Variants in TMEFF2 observed in about 807,000 individuals in gnomAD.
TMEFF2 encodes the protein tomoregulin-2.
TMEFF2 carries 28 observed loss-of-function variants against 53.8 expected under a neutral mutation model. That is an observed-to-expected ratio of 0.52 (90% CI 0.39 to 0.71). TMEFF2 has a LOEUF of 0.71. TMEFF2 is among the 30% of genes least tolerant of loss of function. The pLI, the probability that TMEFF2 is intolerant of heterozygous loss-of-function variation, is 0.00. For missense variants in TMEFF2, 353 were observed against 455.2 expected (o/e 0.78, Z 2.04); for synonymous variants, 162 against 166.3 (o/e 0.97, Z 0.20).
At chr2:192,069,353 TCCAA>T (rs1483871874) in intron 4 of TMEFF2, among the ~76,000 whole-genome samples, 3 of 135,518 alleles carry the variant, frequency 2.2e-5, no homozygotes, top group Non-Finnish European at 5.2e-5. Context: ...TTCATTCCCA[TCCAA>T]ACAAAGTGTT....
intron 4 of TMEFF2, among the ~76,000 whole-genome samples, chr2:192,155,301 A>C (rs1690481992): frequency 6.6e-6 from 1 of 152,030 alleles, no homozygotes; most frequent in Non-Finnish European, 1.5e-5. Flanking sequence ...TATCCTTGTC[A>C]CTTTGGCTAA....
chr2:192,041,654 C>T (rs907660883), intron 5 of TMEFF2, among the ~76,000 whole-genome samples: 5 of 152,072 alleles, frequency 3.3e-5, no homozygotes, highest in Non-Finnish European at 7.4e-5. Flanking sequence ...CACACAATCT[C>T]GTACATAAAT....
chr2:191,998,236 A>T, intron 7 of TMEFF2, 26 bp downstream of exon 7: 3 of 1,556,866 alleles, frequency 1.9e-6, no homozygotes, highest in Non-Finnish European at 2.6e-6. Context: ...AAGAGCTCAC[A>T]TTTTGTAGAA....
chr2:192,161,951 G>T (rs1037085873), intron 4 of TMEFF2, among the ~76,000 whole-genome samples: 1 of 152,268 alleles, frequency 6.6e-6, no homozygotes, highest in Admixed American at 6.5e-5. Flanking sequence ...CCATATTAAA[G>T]GTTCTAAAAT....
At chr2:192,033,330 C>G (rs905310923) in intron 5 of TMEFF2, among the ~76,000 whole-genome samples, 2 of 152,002 alleles carry the variant, frequency 1.3e-5, no homozygotes, top group Non-Finnish European at 2.9e-5. Flanking sequence ...ACGTATATTC[C>G]TAATAACTTC....
intron 4 of TMEFF2, among the ~76,000 whole-genome samples, chr2:192,069,988 GTA>G (rs55800219): frequency 8.2e-4 from 97 of 118,330 alleles, no homozygotes; most frequent in African/African-American, 1.3e-3. Context: ...GTGTGTGTGT[GTA>G]TATATATATA....
At chr2:191,963,041 T>C (rs923722920) in intron 7 of TMEFF2, among the ~76,000 whole-genome samples, 1 of 152,196 alleles carries the variant, frequency 6.6e-6, no homozygotes, top group African/African-American at 2.4e-5. Context: ...ACAACATTTC[T>C]GTAAGTATCA....
At chr2:191,971,728 G>A (rs1267903991) in intron 7 of TMEFF2, among the ~76,000 whole-genome samples, 1 of 152,084 alleles carries the variant, frequency 6.6e-6, no homozygotes, top group Non-Finnish European at 1.5e-5. Flanking sequence ...AATACTACAG[G>A]TATAGTATGT....
At chr2:192,119,401 C>G (rs1689494276) in intron 4 of TMEFF2, among the ~76,000 whole-genome samples, 1 of 151,988 alleles carries the variant, frequency 6.6e-6, no homozygotes, top group Non-Finnish European at 1.5e-5. Context: ...TTTTTCCAAC[C>G]AGATAGGTAG....
At chr2:192,107,803 A>C (rs7557901) in intron 4 of TMEFF2, among the ~76,000 whole-genome samples, 17,266 of 151,778 alleles carry the variant, frequency 0.11, 1,321 homozygotes, top group African/African-American at 0.2. Context: ...ATCCCAATAA[A>C]ATTGACTCAG....
intron 5 of TMEFF2, chr2:192,035,441 G>A (rs910453770): frequency 6.6e-6 from 1 of 152,222 alleles, no homozygotes; most frequent in East Asian, 1.9e-4. Context: ...GAGTAGCACT[G>A]TGAGTAGGGC....
At chr2:192,017,729 C>T (rs151120812) in intron 5 of TMEFF2, among the ~76,000 whole-genome samples, 378 of 152,274 alleles carry the variant, frequency 2.5e-3, no homozygotes, top group African/African-American at 8.6e-3. Context: ...CAGTCTGATA[C>T]GTTCAAATTT....
At chr2:192,183,858 AC>A (rs1371729673) in intron 3 of TMEFF2, among the ~76,000 whole-genome samples, 1 of 152,100 alleles carries the variant, frequency 6.6e-6, no homozygotes, top group Admixed American at 6.6e-5. Context: ...TCCATTACAA[AC>A]ACATTAGTCA....
chr2:192,102,054 T>C (rs866577577), intron 4 of TMEFF2, among the ~76,000 whole-genome samples: 15 of 152,202 alleles, frequency 9.9e-5, no homozygotes, highest in Non-Finnish European at 1.9e-4. Context: ...TGATTTAACT[T>C]AGTTTTGGCG....
chr2:191,977,121 C>T (rs554023436), intron 7 of TMEFF2, among the ~76,000 whole-genome samples: 4 of 152,214 alleles, frequency 2.6e-5, no homozygotes, highest in Middle Eastern at 3.4e-3. Flanking sequence ...TATCTGAAGC[C>T]GATACATGAA....
At chr2:192,101,009 G>A (rs16834193) in intron 4 of TMEFF2, among the ~76,000 whole-genome samples, 7 of 152,058 alleles carry the variant, frequency 4.6e-5, no homozygotes, top group East Asian at 1.9e-4. Context: ...CCTTCCTCTC[G>A]CTTATTATAA....
At chr2:192,152,986 A>G (rs1690423869) in intron 4 of TMEFF2, among the ~76,000 whole-genome samples, 1 of 151,816 alleles carries the variant, frequency 6.6e-6, no homozygotes, top group African/African-American at 2.4e-5. Flanking sequence ...ATGCATGAAG[A>G]TATTAGTTAA....
chr2:192,131,917 C>G (rs1240240223), intron 4 of TMEFF2, among the ~76,000 whole-genome samples: 3 of 152,040 alleles, frequency 2.0e-5, no homozygotes, highest in Non-Finnish European at 4.4e-5. Context: ...ATAAAATGGG[C>G]AAATGGTCTG....
At chr2:192,000,101 C>G (rs1686320413) in intron 5 of TMEFF2, among the ~76,000 whole-genome samples, 1 of 151,978 alleles carries the variant, frequency 6.6e-6, no homozygotes, top group African/African-American at 2.4e-5. Context: ...TTACACTTCT[C>G]TATTTTATTA....
Sources: allele counts gnomAD v4.1 joint callset (sites outside exome capture counted in the v4.1 genomes callset), GRCh38; gene constraint gnomAD v4.1.1; transcripts MANE v1.5; gene names NCBI Gene and HGNC (gene_info 2026-07-23, HGNC 2026-07-21).